Variants in ZPBP observed in about 807,000 individuals in gnomAD.
ZPBP encodes the protein zona pellucida binding protein, also known as zona pellucida-binding protein 1.
A neutral mutation model predicts 44.8 loss-of-function variants in ZPBP; 26 were observed. That is an observed-to-expected ratio of 0.58 (90% CI 0.43 to 0.81). ZPBP has a LOEUF of 0.81. ZPBP is among the 30% of genes least tolerant of loss of function. The probability of loss-of-function intolerance (pLI) is 0.00; values close to 1 mark genes in which losing one functional copy is unlikely to be tolerated. For missense variants in ZPBP, 409 were observed against 434.0 expected (o/e 0.94, Z 0.51); for synonymous variants, 174 against 153.2 (o/e 1.14, Z -1.00).
chr7:49,964,770 A>T (rs1217026365), intron 7 of ZPBP, among the ~76,000 whole-genome samples: 5 of 152,138 alleles, frequency 3.3e-5, no homozygotes, highest in African/African-American at 1.2e-4. Flanking sequence ...ACACATTCTT[A>T]CAATGTGACT....
At chr7:49,939,824 G>A (rs1583877299) in intron 7 of ZPBP, among the ~76,000 whole-genome samples, 2 of 152,246 alleles carry the variant, frequency 1.3e-5, no homozygotes, top group Non-Finnish European at 2.9e-5. Context: ...GTGAGAGGCT[G>A]GTGAGTGGTC....
chr7:49,935,889 T>A (rs986470357), downstream of ZPBP: 4 of 152,178 alleles, frequency 2.6e-5, no homozygotes, highest in Non-Finnish European at 4.4e-5. Context: ...TGCATTCTGA[T>A]CCCCAGTACT....
chr7:49,907,859 G>A (rs1051322886), intron 1 of ZPBP, among the ~76,000 whole-genome samples: 1 of 152,132 alleles, frequency 6.6e-6, no homozygotes, highest in Non-Finnish European at 1.5e-5. Flanking sequence ...AAGATAAGGG[G>A]TTGTGGAGAC....
chr7:49,968,327 A>T (rs564370180), intron 7 of ZPBP, among the ~76,000 whole-genome samples: 1 of 152,234 alleles, frequency 6.6e-6, no homozygotes, highest in South Asian at 2.1e-4. Context: ...TATTATAACA[A>T]TGCAAATTTT....
chr7:49,884,109 G>C (rs911041914), intron 2 of ZPBP, among the ~76,000 whole-genome samples: 1 of 152,206 alleles, frequency 6.6e-6, no homozygotes, highest in Non-Finnish European at 1.5e-5. Context: ...CTGTCAGGCT[G>C]GTAGAGGAAG....
chr7:50,012,144 T>G (rs1040836332), intron 6 of ZPBP, among the ~76,000 whole-genome samples: 1 of 151,070 alleles, frequency 6.6e-6, no homozygotes, highest in African/African-American at 2.4e-5. Flanking sequence ...CTTACAAATA[T>G]CAGAAAGATA....
At chr7:49,890,109 T>C (rs1792067805) in intron 2 of ZPBP, among the ~76,000 whole-genome samples, 1 of 152,174 alleles carries the variant, frequency 6.6e-6, no homozygotes. Flanking sequence ...TTAACACCCA[T>C]ACATCTCCTT....
chr7:50,026,897 C>A (rs1013579067), intron 5 of ZPBP, among the ~76,000 whole-genome samples: 7 of 151,932 alleles, frequency 4.6e-5, no homozygotes, highest in African/African-American at 1.2e-4. Flanking sequence ...CAACTGCAGA[C>A]CTTAAGCCAG....
chr7:50,054,123 A>G (rs1800818919), intron 4 of ZPBP, among the ~76,000 whole-genome samples: 1 of 152,064 alleles, frequency 6.6e-6, no homozygotes, highest in South Asian at 2.1e-4. Flanking sequence ...ACTCCTGGCC[A>G]TAAGTGATCC....
chr7:49,892,786 C>G (rs893506578), intron 2 of ZPBP, among the ~76,000 whole-genome samples: 3 of 152,230 alleles, frequency 2.0e-5, no homozygotes, highest in Admixed American at 1.3e-4. Context: ...TTTTCAAACA[C>G]TGCTCCGTGG....
At chr7:49,849,903 A>C (rs1790108613), downstream of ZPBP, among the ~76,000 whole-genome samples, 1 of 152,186 alleles carries the variant, frequency 6.6e-6, no homozygotes, top group African/African-American at 2.4e-5. Context: ...GCACAGTACC[A>C]TAGCACAGGT....
chr7:49,864,722 G>A (rs1204334451), intron 2 of ZPBP, among the ~76,000 whole-genome samples: 1 of 152,222 alleles, frequency 6.6e-6, no homozygotes, highest in African/African-American at 2.4e-5. Flanking sequence ...AAACAGACAT[G>A]CACAATAATT....
intron 5 of ZPBP, among the ~76,000 whole-genome samples, chr7:50,030,872 G>A (rs1351692): frequency 0.77 from 117,356 of 152,028 alleles, 45,399 homozygotes; most frequent in East Asian, 0.87. Context: ...AATTATCATA[G>A]CAGTGTAAGT....
chr7:50,089,509 A>G lies in ZPBP; in HGVS notation c.208+120T>C, dbSNP rs556591844. On this transcript the variant is annotated intron_variant, in intron 2 of 7. Transcript: ENST00000046087. ...AAACAACTTTAATCCACTTCTGTAG[A>G]AAGAAAAGGGCCTTAGGAGACTAGG... The G allele has an allele frequency of 2.7e-4, 202 of 749,708 alleles. 2 individuals carry two copies. In the African/African-American group the frequency reaches 3.3e-3, roughly 12 times the overall value. 46.4% of individuals were successfully genotyped at this position (749,708 alleles called of 1,614,324 possible). A position where few individuals can be genotyped will look rare whatever the true frequency, so the allele number is the denominator to read the frequency against.
chr7:50,069,605 C>T (rs1027134267), intron 3 of ZPBP, among the ~76,000 whole-genome samples: 2 of 152,202 alleles, frequency 1.3e-5, no homozygotes, highest in Non-Finnish European at 2.9e-5. Context: ...CACAGTATGT[C>T]CTCAACTTTT....
rs547498723 is a variant in ZPBP, at chr7:50,001,688, T to G, written c.783+16552A>C. Among the ~76,000 whole-genome samples the G allele has an allele frequency of 4.6e-5, 7 of 152,238 alleles. No individual in the cohort carries two copies. In the South Asian group the frequency reaches 1.5e-3, roughly 32 times the overall value. On this transcript the variant is annotated intron_variant, in intron 6 of 7. Coordinates refer to ENST00000046087, the MANE Select transcript of ZPBP (RefSeq NM_007009.3). Reference sequence around the variant, plus strand: ...CCTAAAGAGCACAAAACAGATGAGGTGAGGTGTCTGAATACTTTACCTTAC... The same window carrying G: ...CCTAAAGAGCACAAAACAGATGAGGGGAGGTGTCTGAATACTTTACCTTAC...
intron 5 of ZPBP, among the ~76,000 whole-genome samples, chr7:50,027,701 C>T (rs1250564829): frequency 6.6e-6 from 1 of 151,768 alleles, no homozygotes; most frequent in African/African-American, 2.4e-5. Context: ...ATAAAATTGA[C>T]AAACATTCAC....
chr7:49,866,336 G>A (rs111361613), intron 2 of ZPBP, among the ~76,000 whole-genome samples: 7 of 152,252 alleles, frequency 4.6e-5, no homozygotes, highest in East Asian at 1.9e-4. Flanking sequence ...CCTGACTGGC[G>A]TTCTTCCCTC....
At chr7:49,977,425 T>C (rs1352624522) in intron 7 of ZPBP, among the ~76,000 whole-genome samples, 3 of 152,188 alleles carry the variant, frequency 2.0e-5, no homozygotes, top group Non-Finnish European at 4.4e-5. Flanking sequence ...TTAGGATAAA[T>C]TTATTGACTC....
Sources: allele counts gnomAD v4.1 joint callset (sites outside exome capture counted in the v4.1 genomes callset), GRCh38; gene constraint gnomAD v4.1.1; transcripts MANE v1.5; gene names NCBI Gene and HGNC (gene_info 2026-07-23, HGNC 2026-07-21).